The following SLC12A3 variants were observed in gnomAD, a reference collection of about 807,000 sequenced individuals.
The protein encoded by SLC12A3 is solute carrier family 12 member 3, also known as Na-Cl cotransporter.
SLC12A3 carries 104 observed loss-of-function variants against 121.0 expected under a neutral mutation model. The observed-to-expected ratio is 0.86, with a 90% CI of 0.73 to 1.01. SLC12A3 has a LOEUF of 1.01. SLC12A3 is among the 50% of genes least tolerant of loss of function. The pLI, the probability that SLC12A3 is intolerant of heterozygous loss-of-function variation, is 0.00. For missense variants in SLC12A3, 1,328 were observed against 1,356.3 expected, an observed-to-expected ratio of 0.98 and a Z score of 0.33; for synonymous variants, 536 against 533.4, an observed-to-expected ratio of 1.00 and a Z score of -0.07.
In SLC12A3 at chr16:56,905,993, C is replaced by T. The variant is rs112516158; in HGVS notation, c.2924+1531C>T. ...CTCTGGCAAGAAGGTCCCCAAAAAC[C>T]TAGCGCCACACACTGTTCTAGGAAG... is the stretch of plus-strand genomic sequence containing the variant. On this transcript the variant is annotated intron_variant, in intron 25 of 25. Transcript: ENST00000563236. 6.3e-3 allele frequency among the ~76,000 whole-genome samples: 956 copies of T among 152,288 alleles called. 14 individuals carry two copies. The highest frequency in any genetic ancestry group is 0.022 in the African/African-American group (905 of 41,560).
At chr16:56,900,521 T>TTATTTATTTATTTATC (rs1184866541) in intron 23 of SLC12A3, among the ~76,000 whole-genome samples, 2 of 148,094 alleles carry the variant, frequency 1.4e-5, no homozygotes, top group African/African-American at 4.9e-5. Context: ...CATCTGATTT[T>TTATTTATTTATTTATC]TATTTATTTA....
chr16:56,912,717 C>T (rs2055702050), intron 25 of SLC12A3, among the ~76,000 whole-genome samples: 1 of 152,290 alleles, frequency 6.6e-6, no homozygotes, highest in African/African-American at 2.4e-5. Context: ...GGGAGACAAG[C>T]ACATAAATCA....
At chr16:56,888,242 G>A (rs1223312402) in intron 18 of SLC12A3, among the ~76,000 whole-genome samples, 1 of 152,216 alleles carries the variant, frequency 6.6e-6, no homozygotes, top group African/African-American at 2.4e-5. Flanking sequence ...TTGCACTGCT[G>A]CACTCCAGCC....
At chr16:56,885,513 C>T in intron 15 of SLC12A3, 149 bp downstream of exon 15, 1 of 689,546 alleles carries the variant, frequency 1.5e-6, no homozygotes, top group South Asian at 1.5e-5. Flanking sequence ...ATGGAGGAGC[C>T]ACCCAGCCAC....
intron 10 of SLC12A3, 124 bp downstream of exon 10, chr16:56,879,351 G>A: frequency 7.5e-7 from 1 of 1,340,898 alleles, no homozygotes; most frequent in Non-Finnish European, 1.0e-6. Context: ...AGGCTTAGGA[G>A]AGAGGGGTTC....
At chr16:56,890,613 T>C (rs1162276635) in intron 19 of SLC12A3, among the ~76,000 whole-genome samples, 1 of 152,120 alleles carries the variant, frequency 6.6e-6, no homozygotes. Context: ...AAGGATCTAA[T>C]ATAGGCCGGA....
At chr16:56,903,528 C>A (rs1004515743) in intron 24 of SLC12A3, among the ~76,000 whole-genome samples, 4 of 152,200 alleles carry the variant, frequency 2.6e-5, no homozygotes, top group Non-Finnish European at 4.4e-5. Context: ...ACCTGCGATG[C>A]TGCCAAACAT....
rs183779656 is a variant in SLC12A3, at chr16:56,909,513, G to A, written c.2925-3751G>A. On this transcript the variant is annotated intron_variant, in intron 25 of 25. Coordinates refer to ENST00000563236, the MANE Select transcript of SLC12A3 (RefSeq NM_001126108.2). The stretch of plus-strand genomic sequence containing the variant: ...GCCAATACAAGTAATTATAAATCCA[G>A]TGACCCAAGAGAAGACCCCTGCCCA... Among the ~76,000 whole-genome samples, 23 of 145,202 alleles carry A rather than the reference G, an allele frequency of 1.6e-4. No homozygotes were observed. The East Asian group carries it at 4.7e-3, about 30-fold the overall frequency.
chr16:56,885,323 G>A lies in SLC12A3; in HGVS notation c.1884G>A (p.Ser628=), dbSNP rs5802. The A allele has an allele frequency of 0.093, 145,176 of 1,555,250 alleles. 7,168 individuals are homozygous for A. The highest frequency in any genetic ancestry group is 0.13 in the Middle Eastern group (773 of 5,996). ...CCTACAACCTGGCCCTCAGCTACTC[G>A]GTGGGCCTCAATGAGGTGGAAGACC... ...AGSYNLALSY[S]VGLNEVEDHI... The change falls in exon 15 of 26, where the codon TCG becomes TCA. Residue 628 remains serine, a synonymous_variant. Transcript: ENST00000563236.
intron 8 of SLC12A3, among the ~76,000 whole-genome samples, chr16:56,877,416 A>G (rs2055177689): frequency 6.6e-6 from 1 of 152,200 alleles, no homozygotes; most frequent in Non-Finnish European, 1.5e-5. Context: ...TAAAATAAAA[A>G]TAAAAAATAA....
At position 56,879,587 on chromosome 16, in the gene SLC12A3, A is replaced by C; in HGVS notation, c.1381A>C (p.Ile461Leu). 6.2e-7 allele frequency: 1 copy of C among 1,613,832 alleles called. No homozygotes were observed. Among genetic ancestry groups the C allele is most frequent in the Non-Finnish European group, 8.5e-7 (1 of 1,180,006 alleles). ...SGFAPLITAG[I>L]FGATLSSALA... ...CTTCGCGCCCCTGATCACGGCTGGC[A>C]TCTTCGGGGCCACCCTCTCCTCTGC... Residue 461 changes from isoleucine to leucine, a missense_variant, in exon 11 of 26, where the codon ATC (isoleucine) becomes CTC (leucine). Physicochemically the swap from Ile to Leu is conservative, Grantham distance 5. Transcript: ENST00000563236.
In SLC12A3 at chr16:56,902,523, G is replaced by A. The variant is rs757293429; in HGVS notation, c.2856+15G>A. The A allele has an allele frequency of 1.3e-6, 2 of 1,585,468 alleles. No homozygotes were observed. The highest frequency in any genetic ancestry group is 1.7e-5 in the Admixed American group (1 of 59,510). On this transcript the variant is annotated intron_variant, in intron 24 of 25. Transcript: ENST00000563236. ...ACAGAGTCAAGGTGCAGAGAGGGGT[G>A]GGGGTGGGAAACGCGACACATCACT...
chr16:56,870,569 C>G (rs752392829), intron 5 of SLC12A3, 57 bp from the exon 6 acceptor site: 80 of 1,189,132 alleles, frequency 6.7e-5, no homozygotes, highest in Admixed American at 3.5e-4. Flanking sequence ...TGGGCAGAGT[C>G]TGGGGGATGG....
chr16:56,868,986 A>T (rs949727535), intron 3 of SLC12A3, among the ~76,000 whole-genome samples: 23 of 100,224 alleles, frequency 2.3e-4, no homozygotes, highest in African/African-American at 7.5e-4. Flanking sequence ...AAAAAATAAA[A>T]AATAAAAAAG....
chr16:56,893,802 G>T (rs917489624), intron 21 of SLC12A3, among the ~76,000 whole-genome samples: 1 of 152,082 alleles, frequency 6.6e-6, no homozygotes, highest in Non-Finnish European at 1.5e-5. Context: ...TTTTGAGACG[G>T]AGTCTTACTT....
At chr16:56,904,301 T>G (rs759521649) in intron 24 of SLC12A3, 94 bp from the exon 25 acceptor site, 3 of 1,137,102 alleles carry the variant, frequency 2.6e-6, no homozygotes, top group South Asian at 2.5e-5. Context: ...AAATCATGAA[T>G]CCAGTTGAAA....
intron 25 of SLC12A3, among the ~76,000 whole-genome samples, chr16:56,910,289 T>C (rs1394288766): frequency 6.6e-6 from 1 of 151,680 alleles, no homozygotes; most frequent in Non-Finnish European, 1.5e-5. Context: ...TTGTTTTTTC[T>C]CTTTCTGTAA....
rs369808396 is a variant in SLC12A3, at chr16:56,887,076, G to A, written c.2161G>A (p.Val721Ile). 23 of 1,613,938 alleles carry A rather than the reference G, an allele frequency of 1.4e-5. No individual in the cohort carries two copies. Among genetic ancestry groups the A allele is most frequent in the African/African-American group, 9.3e-5 (7 of 75,066 alleles). The change falls in exon 17 of 26, where the codon GTC becomes ATC. Residue 721 changes from valine (V) to isoleucine (I), a missense_variant. Transcript: ENST00000563236. ...DVIAEDLRRG[V>I]QILMQAAGLG... Reference sequence around the variant, plus strand: ...CATTGCCGAGGACCTCCGCAGAGGCGTCCAGATCCTCATGCAGGTGCCATG... The same window carrying A: ...CATTGCCGAGGACCTCCGCAGAGGCATCCAGATCCTCATGCAGGTGCCATG...
chr16:56,894,724 A>G, intron 22 of SLC12A3, 82 bp downstream of exon 22: 1 of 1,021,626 alleles, frequency 9.8e-7, no homozygotes, highest in Non-Finnish European at 1.5e-6. Context: ...CCTACCCTAG[A>G]TCCTCTACCA....
Sources: gnomAD v4.1 joint callset for allele counts (sites outside exome capture counted in the v4.1 genomes callset) on GRCh38, gnomAD v4.1.1 for gene constraint, MANE v1.5 for transcripts, NCBI Gene and HGNC (gene_info 2026-07-23, HGNC 2026-07-21) for gene names.